Variants in PINLYP observed in about 807,000 individuals in gnomAD.
PINLYP encodes the protein phospholipase A2 inhibitor and Ly6/PLAUR domain-containing protein.
Under a neutral mutation model 15.8 loss-of-function variants are expected in PINLYP, and 12 were observed. That is an observed-to-expected ratio of 0.76 (90% CI 0.49 to 1.23). The LOEUF is 1.23. Among genes scored for constraint, PINLYP ranks in the 50% most tolerant of loss-of-function variants. The pLI, the probability that PINLYP is intolerant of heterozygous loss-of-function variation, is 0.00. For missense variants in PINLYP, 278 were observed against 264.2 expected (o/e 1.05, Z -0.36); for synonymous variants, 93 against 97.7 (o/e 0.95, Z 0.28).
chr19:43,581,473 T>A, intron 4 of PINLYP, 90 bp from the exon 5 acceptor site: 2 of 1,508,546 alleles, frequency 1.3e-6, no homozygotes, highest in South Asian at 1.3e-5. Context: ...CAGTGTCTAT[T>A]AGCAACCCTG....
chr19:43,581,487 T>C, intron 4 of PINLYP, 76 bp from the exon 5 acceptor site: 4 of 1,505,530 alleles, frequency 2.7e-6, no homozygotes, highest in Non-Finnish European at 2.7e-6. Flanking sequence ...AACCCTGGTG[T>C]TTCCCGGGGT....
At chr19:43,578,606 C>T (rs969246888) in exon 3 of PINLYP, 7 of 1,535,682 alleles carry the variant, frequency 4.6e-6, no homozygotes, top group Admixed American at 3.9e-5. Flanking sequence ...CACTACACTG[C>T]GAAATATGTA....
At chr19:43,581,700 G>C in exon 5 of PINLYP, 1 of 1,536,266 alleles carries the variant, frequency 6.5e-7, no homozygotes, top group Non-Finnish European at 8.7e-7. Flanking sequence ...ACACGTGCAG[G>C]CTGGTGAGTG....
exon 1 of PINLYP, among the ~76,000 whole-genome samples, chr19:43,576,253 G>C (rs191291745): frequency 6.6e-6 from 1 of 152,230 alleles, no homozygotes; most frequent in South Asian, 2.1e-4. Flanking sequence ...TCGTAGTTTC[G>C]TAGGGAACCT....
chr19:43,580,795 G>A (rs1972921247), intron 3 of PINLYP: 1 of 739,982 alleles, frequency 1.4e-6, no homozygotes, highest in Non-Finnish European at 1.7e-6. Flanking sequence ...TGGCTCTAGG[G>A]GGCTTGAAAG....
chr19:43,578,961 G>C (rs1972898676), intron 3 of PINLYP: 1 of 404,988 alleles, frequency 2.5e-6, no homozygotes, highest in Admixed American at 3.7e-5. Context: ...GGAGGGGTGA[G>C]AGTTAATAGA....
intron 3 of PINLYP, chr19:43,579,056 T>C: frequency 3.8e-6 from 1 of 261,614 alleles, no homozygotes; most frequent in Admixed American, 5.1e-5. Flanking sequence ...TGGCAGGAGG[T>C]GGAAATGGTG....
chr19:43,575,541 G>A (rs188762977), upstream of PINLYP: 4 of 1,456,092 alleles, frequency 2.7e-6, no homozygotes, highest in East Asian at 4.8e-5. Context: ...AGGGGGCGGG[G>A]TGCGCCCTGC....
chr19:43,575,758 C>T (rs932157680), upstream of PINLYP: 3 of 334,056 alleles, frequency 9.0e-6, no homozygotes, highest in African/African-American at 6.4e-5. Flanking sequence ...CGTCCGAACC[C>T]TGCTTTCTGG....
At chr19:43,580,435 A>G in intron 3 of PINLYP, 1 of 729,722 alleles carries the variant, frequency 1.4e-6, no homozygotes, top group Non-Finnish European at 1.7e-6. Context: ...AGGAGTGACC[A>G]TGGCAGGATC....
intron 4 of PINLYP, 21 bp downstream of exon 4, chr19:43,581,385 G>T (rs1209756959): frequency 6.5e-7 from 1 of 1,536,322 alleles, no homozygotes. Flanking sequence ...CGTGGTGTGT[G>T]GTGTGTGCTC....
intron 2 of PINLYP, 68 bp downstream of exon 2, chr19:43,577,329 GAGAGATATAGAGAGAGAA>G (rs1430473259): frequency 1.0e-5 from 15 of 1,434,136 alleles, no homozygotes; most frequent in Admixed American, 2.5e-5. Context: ...TTGAGAGAGA[GAGAGATATAGAGAGAGAA>G]AGAGCCTTCA....
In PINLYP at chr19:43,581,956, C is replaced by T. The variant is rs578218724; in HGVS notation, c.570C>T (p.Thr190=). ...CTGGTGCTGAAGTACCCACAGGCAC[C>T]AATGTCCTCTTCCTCCATCATATAG... The change falls in exon 6 of 6, where the codon ACC becomes ACT. Residue 190 remains threonine, a synonymous_variant. Coordinates refer to ENST00000599207, the Ensembl canonical transcript of PINLYP. 802 of 1,536,366 alleles carry T rather than the reference C, an allele frequency of 5.2e-4. 1 individual carries two copies. The highest frequency in any genetic ancestry group is 6.6e-4 in the Non-Finnish European group (762 of 1,146,994).
At chr19:43,580,549 A>G (rs1257089379) in intron 3 of PINLYP, 1 of 982,592 alleles carries the variant, frequency 1.0e-6, no homozygotes, top group East Asian at 1.2e-4. Flanking sequence ...AGACCATTTC[A>G]CGAAGGCATG....
chr19:43,578,203 T>C (rs779919835), intron 2 of PINLYP, among the ~76,000 whole-genome samples: 25 of 152,130 alleles, frequency 1.6e-4, no homozygotes, highest in Non-Finnish European at 3.1e-4. Context: ...AAGACCTACA[T>C]GGCACCTTCA....
intron 5 of PINLYP, 40 bp from the exon 6 acceptor site, chr19:43,581,828 G>C (rs1295470680): frequency 3.9e-6 from 6 of 1,535,944 alleles, no homozygotes; most frequent in Non-Finnish European, 5.2e-6. Context: ...AGGAAGAAGG[G>C]GCTGAGGTCC....
chr19:43,576,625 A>T lies in PINLYP; in HGVS notation c.-372A>T, dbSNP rs1972867997. Among the ~76,000 whole-genome samples the T allele has an allele frequency of 6.6e-6, 1 of 152,150 alleles. No individual in the cohort carries two copies. ...TGTTCATTCGGTGCCTTGGAGACCC[A>T]AGGGTGCAGCCCTGGGTGGGGTCGC... On this transcript the variant is annotated 5_prime_UTR_variant, in exon 1 of 6. It introduces an in-frame stop codon into an upstream open reading frame of the 5' UTR. Transcript: ENST00000599207.
At chr19:43,578,862 T>C (rs1252562847) in intron 3 of PINLYP, 156 bp downstream of exon 3, 3 of 616,188 alleles carry the variant, frequency 4.9e-6, no homozygotes, top group Non-Finnish European at 8.8e-6. Flanking sequence ...CATCATGAGA[T>C]GGAGGGAACA....
chr19:43,581,828 G>A, intron 5 of PINLYP, 40 bp from the exon 6 acceptor site: 1 of 1,536,062 alleles, frequency 6.5e-7, no homozygotes, highest in Non-Finnish European at 8.7e-7. Flanking sequence ...AGGAAGAAGG[G>A]GCTGAGGTCC....
Sources: allele counts gnomAD v4.1 joint callset (sites outside exome capture counted in the v4.1 genomes callset), GRCh38; gene constraint gnomAD v4.1.1; transcripts MANE v1.5; gene names NCBI Gene and HGNC (gene_info 2026-07-23, HGNC 2026-07-21).